Variants in CDH17 observed in about 807,000 individuals in gnomAD.
CDH17 encodes cadherin 17, also known as cadherin-17.
Under a neutral mutation model 86.3 loss-of-function variants are expected in CDH17, and 67 were observed. That is an observed-to-expected ratio of 0.78 (90% CI 0.64 to 0.95). The LOEUF is 0.95. Among genes scored for constraint, CDH17 ranks in the 40% least tolerant of loss-of-function variants. The probability of loss-of-function intolerance (pLI) is 0.00; values close to 1 mark genes in which losing one functional copy is unlikely to be tolerated. For synonymous variants in CDH17, 367 were observed against 366.4 expected, an observed-to-expected ratio of 1.00 and a Z score of -0.02; for missense variants, 993 against 1,017.6, an observed-to-expected ratio of 0.98 and a Z score of 0.33.
intron 15 of CDH17, among the ~76,000 whole-genome samples, chr8:94,136,510 C>T (rs1812530987): frequency 1.3e-5 from 2 of 152,216 alleles, no homozygotes; most frequent in African/African-American, 4.8e-5. Context: ...AAGGTCTTCT[C>T]TACACTGTTT....
Position 94,194,621 on chromosome 8 carries a change from C to A in CDH17, c.51+14G>T. On this transcript the variant is annotated intron_variant, in intron 2 of 17. Transcript: ENST00000027335. The stretch of plus-strand genomic sequence containing the variant: ...TCTAGTAAACAAATAGAGAAGAACA[C>A]CCTCTTCTCTTACCAAATAAAGCAT... 6.5e-7 allele frequency: 1 copy of A among 1,550,380 alleles called. No homozygotes were observed. Among genetic ancestry groups the A allele is most frequent in the Non-Finnish European group, 8.9e-7 (1 of 1,123,972 alleles).
chr8:94,164,404 G>C (rs1347502668), intron 10 of CDH17, among the ~76,000 whole-genome samples: 7 of 152,214 alleles, frequency 4.6e-5, no homozygotes, highest in Non-Finnish European at 1.0e-4. Context: ...CTTGCATGGT[G>C]CCTCAAATAG....
At chr8:94,133,147 C>T (rs558857507) in intron 15 of CDH17, among the ~76,000 whole-genome samples, 22 of 152,158 alleles carry the variant, frequency 1.4e-4, no homozygotes, top group Admixed American at 2.6e-4. Context: ...CTTGGCAATG[C>T]GGGCTCTTTT....
chr8:94,214,517 A>G (rs770243405), intron 1 of CDH17, among the ~76,000 whole-genome samples: 2 of 152,230 alleles, frequency 1.3e-5, no homozygotes, highest in African/African-American at 2.4e-5. Flanking sequence ...TATCAAAGAC[A>G]TAAATTATAA....
chr8:94,158,575 C>T (rs1448054689), intron 12 of CDH17, among the ~76,000 whole-genome samples: 1 of 152,180 alleles, frequency 6.6e-6, no homozygotes, highest in South Asian at 2.1e-4. Context: ...AACACACCAA[C>T]CCACTGCAAG....
At chr8:94,153,101 A>G (rs1812886001) in intron 12 of CDH17, among the ~76,000 whole-genome samples, 1 of 152,244 alleles carries the variant, frequency 6.6e-6, no homozygotes, top group African/African-American at 2.4e-5. Context: ...AGATCAGGAG[A>G]AAATATTTGC....
At chr8:94,167,924 A>T (rs1248076759) in intron 9 of CDH17, among the ~76,000 whole-genome samples, 1 of 151,600 alleles carries the variant, frequency 6.6e-6, no homozygotes. Context: ...AGCATCTCTT[A>T]GAAATATGCA....
rs79548000 is a variant in CDH17 at position 94,159,559 on chromosome 8, C to T, written c.1551+412G>A. Among the ~76,000 whole-genome samples, 751 of 152,126 alleles carry T rather than the reference C, an allele frequency of 4.9e-3. 18 individuals are homozygous for T. The highest frequency in any genetic ancestry group is 0.042 in the Admixed American group (644 of 15,278). On this transcript the variant is annotated intron_variant, in intron 12 of 17. Transcript: ENST00000027335. ...GAGACCCTGAGTGCCACTCCCAGACCGTAAGAGTGTTGCGAGATTTAGCAA... is the reference window on the plus strand; with the variant it reads ...GAGACCCTGAGTGCCACTCCCAGACTGTAAGAGTGTTGCGAGATTTAGCAA...
upstream of CDH17, among the ~76,000 whole-genome samples, chr8:94,209,763 T>C (rs1047000170): frequency 5.3e-5 from 8 of 152,196 alleles, no homozygotes; most frequent in Admixed American, 5.2e-4. Context: ...ATTAGCTGAA[T>C]AAAGTGTGCT....
In CDH17 at chr8:94,213,980, A is replaced by G. The variant is rs532068183; in HGVS notation, c.-21+3218T>C. ...CTCTGTGGAGGTCAACTCTGCTCCC[A>G]TCTACTTGCCAACATCTCGAGTCTC... On this transcript the variant is annotated intron_variant, in intron 1 of 17. Coordinates refer to the CDH17 transcript ENST00000450165. Among the ~76,000 whole-genome samples, 4 of 152,126 alleles carry G rather than the reference A, an allele frequency of 2.6e-5. No individual in the cohort carries two copies. In the East Asian group the frequency reaches 7.7e-4, roughly 29 times the overall value.
At chr8:94,208,377 A>G (rs1814069737) in intron 1 of CDH17, 106 bp downstream of exon 1, 1 of 152,228 alleles carries the variant, frequency 6.6e-6, no homozygotes, top group Non-Finnish European at 1.5e-5. Context: ...GCCCACCTCA[A>G]GGAACAAATT....
intron 3 of CDH17, among the ~76,000 whole-genome samples, chr8:94,181,350 C>T (rs1212155157): frequency 4.6e-5 from 7 of 152,138 alleles, no homozygotes; most frequent in Non-Finnish European, 8.8e-5. Flanking sequence ...ACCCAACACT[C>T]CATCCAACAA....
At position 94,208,547 on chromosome 8, in the gene CDH17, G is replaced by T. The variant is rs1814072350; in HGVS notation, c.-85C>A. 6.6e-6 allele frequency: 1 copy of T among 152,158 alleles called. No homozygotes were observed. The highest frequency in any genetic ancestry group is 6.5e-5 in the Admixed American group (1 of 15,274). The allele number at this position is 152,158 out of a possible 1,614,324, so 9.4% of individuals were successfully genotyped here. ...CTTCCATTCAGTGGTCGAGACTCTTGCTACGACTGGAGTATCTCCCCCGGG... is the reference window on the plus strand; with the variant it reads ...CTTCCATTCAGTGGTCGAGACTCTTTCTACGACTGGAGTATCTCCCCCGGG... On this transcript the variant is annotated 5_prime_UTR_variant, in exon 1 of 18. Coordinates refer to ENST00000027335, the MANE Select transcript of CDH17 (RefSeq NM_004063.4).
intron 3 of CDH17, among the ~76,000 whole-genome samples, chr8:94,179,778 G>A (rs1483897380): frequency 6.6e-6 from 1 of 152,120 alleles, no homozygotes; most frequent in Non-Finnish European, 1.5e-5. Context: ...ACATGACAAA[G>A]AATACAGACT....
chr8:94,165,625 T>C (rs2130626793), intron 10 of CDH17, 136 bp downstream of exon 10: 2 of 679,022 alleles, frequency 2.9e-6, no homozygotes, highest in Non-Finnish European at 5.3e-6. Flanking sequence ...CTCTGTGTTA[T>C]GTGTGTTTCA....
At chr8:94,205,263 G>A (rs1814003851) in intron 1 of CDH17, among the ~76,000 whole-genome samples, 1 of 125,080 alleles carries the variant, frequency 8.0e-6, no homozygotes, top group Admixed American at 7.5e-5. Context: ...CATAAAGGGT[G>A]GCTTGACTTT....
Position 94,167,971 on chromosome 8 carries a change from A to G in CDH17, c.1067-1995T>C, listed in dbSNP as rs892688235. Among the ~76,000 whole-genome samples, 13 of 151,272 alleles carry G rather than the reference A, an allele frequency of 8.6e-5. No homozygotes were observed. The East Asian group carries it at 2.5e-3, about 29-fold the overall frequency. ...GGAGGTGGGGTTTTTATGAGAGTCT[A>G]AATTTTCTGTATGAATACATAAGAC... On this transcript the variant is annotated intron_variant, in intron 9 of 17. Transcript: ENST00000027335.
intron 1 of CDH17, among the ~76,000 whole-genome samples, chr8:94,214,478 A>C (rs1042815851): frequency 2.0e-5 from 3 of 152,222 alleles, no homozygotes; most frequent in Non-Finnish European, 2.9e-5. Context: ...CTGGACCCTG[A>C]CCTCACACCA....
chr8:94,144,350 T>C (rs1199263127), intron 15 of CDH17, among the ~76,000 whole-genome samples: 2 of 151,982 alleles, frequency 1.3e-5, no homozygotes, highest in Admixed American at 1.3e-4. Context: ...ACAGATATAA[T>C]AATGAAAAAG....
Sources: gnomAD v4.1 joint callset for allele counts (sites outside exome capture counted in the v4.1 genomes callset) on GRCh38, gnomAD v4.1.1 for gene constraint, MANE v1.5 for transcripts, NCBI Gene and HGNC (gene_info 2026-07-23, HGNC 2026-07-21) for gene names.